Variants in SCAF11 observed in about 807,000 individuals in gnomAD.
SCAF11 encodes SR-related CTD associated factor 11.
SCAF11 carries 47 observed loss-of-function variants against 140.5 expected under a neutral mutation model. That is an observed-to-expected ratio of 0.33 (90% CI 0.26 to 0.43). The LOEUF (loss-of-function observed/expected upper bound fraction) is 0.43. Ranked by LOEUF, SCAF11 falls within the 20% of genes least tolerant of loss-of-function variation. The pLI, the probability that SCAF11 is intolerant of heterozygous loss-of-function variation, is 1.00. For missense variants in SCAF11, 1,645 were observed against 1,705.1 expected (o/e 0.96, Z 0.62); for synonymous variants, 557 against 579.4 (o/e 0.96, Z 0.55).
intron 6 of SCAF11, among the ~76,000 whole-genome samples, chr12:45,936,415 C>T (rs11183241): frequency 0.53 from 80,846 of 151,856 alleles, 21,846 homozygotes; most frequent in African/African-American, 0.63. Context: ...GTGCTGGGAT[C>T]ACAGGCATGA....
intron 3 of SCAF11, among the ~76,000 whole-genome samples, chr12:45,959,498 C>T (rs1031962558): frequency 1.1e-4 from 16 of 152,130 alleles, no homozygotes; most frequent in African/African-American, 3.9e-4. Context: ...GCTGAAGACA[C>T]TTATTCCTGA....
intron 3 of SCAF11, chr12:45,956,018 A>G: frequency 1.5e-6 from 1 of 683,386 alleles, no homozygotes; most frequent in East Asian, 2.7e-5. Context: ...TGATTTCAGT[A>G]AAACACACCC....
chr12:45,987,299 T>C (rs1210771381), intron 1 of SCAF11, among the ~76,000 whole-genome samples: 4 of 152,152 alleles, frequency 2.6e-5, no homozygotes, highest in Admixed American at 6.5e-5. Flanking sequence ...ATGGCCCACA[T>C]GCATGGATAT....
At chr12:45,989,363 GC>G (rs1195836456) in intron 1 of SCAF11, among the ~76,000 whole-genome samples, 1 of 152,176 alleles carries the variant, frequency 6.6e-6, no homozygotes, top group African/African-American at 2.4e-5. Flanking sequence ...ACATTTTTCA[GC>G]AGTTTTGCTT....
At chr12:45,932,387 GA>G (rs910463207) in intron 9 of SCAF11, among the ~76,000 whole-genome samples, 52 of 151,524 alleles carry the variant, frequency 3.4e-4, no homozygotes, top group Non-Finnish European at 6.3e-4. Flanking sequence ...AGAAGCATGG[GA>G]AAAAAAATGT....
chr12:45,948,625 G>A, intron 4 of SCAF11, 88 bp from the exon 5 acceptor site: 1 of 785,444 alleles, frequency 1.3e-6, no homozygotes, highest in South Asian at 1.6e-5. Context: ...TAAAATTACA[G>A]AAACAAAACT....
rs147759588 is a variant in SCAF11 at position 45,961,304 on chromosome 12, T to C, written c.219+396A>G. 3.5e-5 allele frequency: 25 copies of C among 715,534 alleles called. No individual in the cohort carries two copies. In the East Asian group the frequency reaches 6.7e-4, roughly 19 times the overall value. 44.3% of individuals were successfully genotyped at this position (715,534 alleles called of 1,614,324 possible). On this transcript the variant is annotated intron_variant, in intron 3 of 14. Coordinates refer to ENST00000369367, the MANE Select transcript of SCAF11 (RefSeq NM_004719.3). ...AGGCTGATATAAAGAAGAAATCAAA[T>C]AACCTATGTGAAAAGTCCCTGAAAA...
chr12:45,922,059 T>A lies in SCAF11; in HGVS notation c.4381A>T (p.Asn1461Tyr). The A allele has an allele frequency of 1.2e-6, 2 of 1,610,688 alleles. No homozygotes were observed. Among genetic ancestry groups the A allele is most frequent in the Non-Finnish European group, 1.7e-6 (2 of 1,179,192 alleles). The change falls in exon 15 of 15, where the codon AAC (asparagine) becomes TAC (tyrosine). Residue 1461 changes from asparagine to tyrosine, a missense_variant. Coordinates refer to ENST00000369367, the MANE Select transcript of SCAF11 (RefSeq NM_004719.3). ...TLEEPVSTEK[N>Y]IG ...CAGCGTTCCCCATTTCAGCCTATGT[T>A]TTTTTCAGTAGACACAGGTTCTTCC...
At chr12:45,969,982 C>T (rs764120694) in intron 1 of SCAF11, among the ~76,000 whole-genome samples, 3 of 152,186 alleles carry the variant, frequency 2.0e-5, no homozygotes, top group Admixed American at 6.5e-5. Context: ...CCGCAACCTC[C>T]GCTTCCCAAG....
At chr12:45,948,585 A>C in intron 4 of SCAF11, 48 bp from the exon 5 acceptor site, 2 of 1,177,412 alleles carry the variant, frequency 1.7e-6, no homozygotes, top group Admixed American at 2.2e-5. Context: ...AGCCTTACAA[A>C]TAACTTTTTA....
At chr12:45,964,463 C>T (rs897194793) in intron 1 of SCAF11, among the ~76,000 whole-genome samples, 1 of 152,002 alleles carries the variant, frequency 6.6e-6, no homozygotes, top group African/African-American at 2.4e-5. Flanking sequence ...TTCAGGAGAT[C>T]GAGACCATCC....
rs1231288088 is a variant in SCAF11, at chr12:45,926,191, T to C, written c.3510A>G (p.Ser1170=). The C allele has an allele frequency of 6.2e-7, 1 of 1,614,092 alleles. No individual in the cohort carries two copies. The part of the protein sequence containing the change: ...NYYSRRGRNS[S]GPQSGWMKQE... ...GTTTCATCCATCCAGACTGTGGACCTGAAGAATTTCTGCCTCGTCGTGAGT... is the reference window on the plus strand; with the variant it reads ...GTTTCATCCATCCAGACTGTGGACCCGAAGAATTTCTGCCTCGTCGTGAGT... Residue 1170 remains serine, a synonymous_variant, in exon 11 of 15, where the codon TCA becomes TCG. Transcript: ENST00000369367.
intron 1 of SCAF11, among the ~76,000 whole-genome samples, chr12:45,967,899 A>T (rs543032985): frequency 6.6e-6 from 1 of 152,324 alleles, no homozygotes; most frequent in East Asian, 1.9e-4. Flanking sequence ...CCAGTTTTCA[A>T]TCCAAGGATC....
At chr12:45,984,347 A>G (rs1946415128) in intron 1 of SCAF11, among the ~76,000 whole-genome samples, 1 of 151,994 alleles carries the variant, frequency 6.6e-6, no homozygotes, top group African/African-American at 2.4e-5. Context: ...AGGATGCCAG[A>G]TATTTCCTTA....
chr12:45,972,323 T>G (rs1473622706), intron 1 of SCAF11, among the ~76,000 whole-genome samples: 2 of 152,126 alleles, frequency 1.3e-5, no homozygotes, highest in Admixed American at 1.3e-4. Flanking sequence ...GACTCAAGCA[T>G]GTAATCCCAG....
intron 3 of SCAF11, 143 bp downstream of exon 3, chr12:45,961,557 A>G: frequency 1.5e-6 from 1 of 686,026 alleles, no homozygotes; most frequent in Non-Finnish European, 2.3e-6. Context: ...AATGACTGAC[A>G]GAATTTGAAT....
intron 1 of SCAF11, among the ~76,000 whole-genome samples, chr12:45,981,969 A>G (rs1368877944): frequency 6.6e-6 from 1 of 152,248 alleles, no homozygotes; most frequent in Non-Finnish European, 1.5e-5. Flanking sequence ...AAGATAGGTT[A>G]AACATATAGA....
chr12:45,957,521 G>A (rs1258725161), intron 3 of SCAF11, among the ~76,000 whole-genome samples: 2 of 152,110 alleles, frequency 1.3e-5, no homozygotes, highest in East Asian at 1.9e-4. Context: ...TAGTTTAGGA[G>A]AGAAACCATG....
At chr12:45,938,345 C>T (rs56146240) in intron 6 of SCAF11, among the ~76,000 whole-genome samples, 38,865 of 151,804 alleles carry the variant, frequency 0.26, 5,587 homozygotes, top group East Asian at 0.32. Flanking sequence ...CAAAATTAGC[C>T]GGGCATGATG....
Sources: allele counts gnomAD v4.1 joint callset (sites outside exome capture counted in the v4.1 genomes callset), GRCh38; gene constraint gnomAD v4.1.1; transcripts MANE v1.5; gene names NCBI Gene and HGNC (gene_info 2026-07-23, HGNC 2026-07-21).